MAF: variants seen among roughly 807,000 people sequenced by gnomAD.
MAF encodes MAF bZIP transcription factor.
Under a neutral mutation model 22.0 loss-of-function variants are expected in MAF, and 10 were observed. That is an observed-to-expected ratio of 0.45 (90% CI 0.28 to 0.77). The LOEUF (loss-of-function observed/expected upper bound fraction) is 0.77. Among genes scored for constraint, MAF ranks in the 30% least tolerant of loss-of-function variants. The probability of loss-of-function intolerance (pLI) is 0.12; values close to 1 mark genes in which losing one functional copy is unlikely to be tolerated. For synonymous variants in MAF, 337 were observed against 255.8 expected, an observed-to-expected ratio of 1.32 and a Z score of -3.03; for missense variants, 544 against 548.4, an observed-to-expected ratio of 0.99 and a Z score of 0.08.
At chr16:79,217,548 G>A in the MAF span, among the ~76,000 whole-genome samples, 4 of 152,148 alleles carry the variant, frequency 2.6e-5, no homozygotes, top group African/African-American at 9.7e-5. Context: ...CCTCTCTCCT[G>A]TTCTGACTGT....
At chr16:79,238,637 C>T in the MAF span, among the ~76,000 whole-genome samples, 22 of 151,960 alleles carry the variant, frequency 1.4e-4, no homozygotes, top group Non-Finnish European at 4.4e-5. Flanking sequence ...GATTAAAACA[C>T]AGGACATTCA....
At chr16:79,419,708 T>G in the MAF span, among the ~76,000 whole-genome samples, 3 of 152,116 alleles carry the variant, frequency 2.0e-5, no homozygotes, top group African/African-American at 4.8e-5. Flanking sequence ...GATGCCACAA[T>G]TCAGAAGAAA....
the MAF span, among the ~76,000 whole-genome samples, chr16:79,523,302 C>G: frequency 8.5e-5 from 13 of 152,304 alleles, no homozygotes; most frequent in African/African-American, 3.1e-4. Context: ...CTAGGGTGAA[C>G]AGAATGGATT....
the MAF span, among the ~76,000 whole-genome samples, chr16:79,372,497 T>G: frequency 1.3e-5 from 2 of 152,148 alleles, no homozygotes; most frequent in African/African-American, 4.8e-5. Flanking sequence ...TCTGAAACAG[T>G]TTTCTTGCAA....
chr16:79,247,007 A>G, the MAF span, among the ~76,000 whole-genome samples: 2 of 152,230 alleles, frequency 1.3e-5, no homozygotes, highest in African/African-American at 4.8e-5. Flanking sequence ...TCAATAAACG[A>G]GAACATCAGC....
the MAF span, among the ~76,000 whole-genome samples, chr16:79,444,583 C>G: frequency 2.6e-5 from 4 of 152,164 alleles, no homozygotes; most frequent in African/African-American, 9.7e-5. Flanking sequence ...AGTGTATTTA[C>G]TCAAGGTCAG....
At chr16:79,444,943 C>A in the MAF span, among the ~76,000 whole-genome samples, 1 of 152,086 alleles carries the variant, frequency 6.6e-6, no homozygotes, top group South Asian at 2.1e-4. Context: ...AGAAAGCCTG[C>A]TACGTGTATG....
At chr16:79,379,709 C>G in the MAF span, among the ~76,000 whole-genome samples, 1 of 152,126 alleles carries the variant, frequency 6.6e-6, no homozygotes, top group Admixed American at 6.5e-5. Context: ...TTCTGCTCCA[C>G]TTTTTGAGGA....
chr16:79,252,710 G>A, the MAF span, among the ~76,000 whole-genome samples: 1 of 152,098 alleles, frequency 6.6e-6, no homozygotes, highest in African/African-American at 2.4e-5. Flanking sequence ...GGCTGGCCTT[G>A]AACTCCTGAC....
the MAF span, among the ~76,000 whole-genome samples, chr16:79,239,017 G>A: frequency 1.3e-5 from 2 of 151,852 alleles, no homozygotes; most frequent in Non-Finnish European, 2.9e-5. Flanking sequence ...CTACAAGCTG[G>A]GGAGGTCTAA....
downstream of MAF, among the ~76,000 whole-genome samples, chr16:79,582,396 C>T (rs950485247): frequency 6.6e-6 from 1 of 152,130 alleles, no homozygotes; most frequent in African/African-American, 2.4e-5. Flanking sequence ...GCAGAAATTC[C>T]TTCGTTTTAT....
chr16:79,386,177 C>T, the MAF span, among the ~76,000 whole-genome samples: 16 of 152,156 alleles, frequency 1.1e-4, no homozygotes, highest in African/African-American at 3.1e-4. Flanking sequence ...GGATGATTCA[C>T]GTGCATTACA....
Position 79,600,053 on chromosome 16 carries a change from C to T in MAF, c.-151G>A. 5 of 1,071,272 alleles carry T rather than the reference C, an allele frequency of 4.7e-6. No individual in the cohort carries two copies. The highest frequency in any genetic ancestry group is 6.7e-6 in the Non-Finnish European group (5 of 748,620). The allele number at this position is 1,071,272 out of a possible 1,614,324, so 66.4% of individuals were successfully genotyped here. ...GCGGCGGTGGCTGGCCCGAAACCTC[C>T]GAGCGCGCTCACACACACACCCCCC... On this transcript the variant is annotated 5_prime_UTR_variant, in exon 1 of 2. Transcript: ENST00000326043.
At chr16:79,356,879 G>T in the MAF span, among the ~76,000 whole-genome samples, 63 of 152,278 alleles carry the variant, frequency 4.1e-4, no homozygotes, top group African/African-American at 1.5e-3. Context: ...TTGACAACTT[G>T]TATGAAGGTG....
chr16:79,421,980 G>T, the MAF span, among the ~76,000 whole-genome samples: 1 of 152,138 alleles, frequency 6.6e-6, no homozygotes, highest in East Asian at 1.9e-4. Context: ...GTTTCACCAT[G>T]TTGGCCAGGC....
the MAF span, among the ~76,000 whole-genome samples, chr16:79,481,717 C>A: frequency 6.6e-6 from 1 of 152,180 alleles, no homozygotes; most frequent in Non-Finnish European, 1.5e-5. Context: ...CCCACCCATC[C>A]ATCCATCTAT....
the MAF span, among the ~76,000 whole-genome samples, chr16:79,552,697 G>A: frequency 5.9e-5 from 9 of 152,110 alleles, no homozygotes; most frequent in African/African-American, 1.2e-4. Flanking sequence ...AACCATAGCC[G>A]GCCTTGCTGG....
chr16:79,578,433 C>T, the MAF span, among the ~76,000 whole-genome samples: 2 of 152,098 alleles, frequency 1.3e-5, no homozygotes, highest in African/African-American at 4.8e-5. Flanking sequence ...AATTTCTTCT[C>T]TACTTTCACA....
At chr16:79,228,532 G>A in the MAF span, among the ~76,000 whole-genome samples, 18 of 152,032 alleles carry the variant, frequency 1.2e-4, no homozygotes, top group Admixed American at 8.5e-4. Context: ...CTGTGGCTGT[G>A]AGTCTTCACA....
Sources: allele counts gnomAD v4.1 joint callset (sites outside exome capture counted in the v4.1 genomes callset), GRCh38; gene constraint gnomAD v4.1.1; transcripts MANE v1.5; gene names NCBI Gene and HGNC (gene_info 2026-07-23, HGNC 2026-07-21).